Variants in MARK1 observed in about 807,000 individuals in gnomAD.
MARK1 encodes microtubule affinity regulating kinase 1, also known as serine/threonine-protein kinase MARK1.
In MARK1, 40 loss-of-function variants were observed where a neutral mutation model predicts 96.3. The ratio of observed to expected loss-of-function variants is 0.42; its 90% CI spans 0.32 to 0.54. The LOEUF (loss-of-function observed/expected upper bound fraction) is 0.54. MARK1 is among the 20% of genes least tolerant of loss of function. MARK1 has a pLI of 0.16. For missense variants in MARK1, 719 were observed against 984.6 expected, an observed-to-expected ratio of 0.73 and a Z score of 3.61; for synonymous variants, 317 against 341.2, an observed-to-expected ratio of 0.93 and a Z score of 0.78.
intron 9 of MARK1, among the ~76,000 whole-genome samples, chr1:220,628,485 C>T (rs886215757): frequency 2.0e-5 from 3 of 152,194 alleles, no homozygotes; most frequent in Non-Finnish European, 4.4e-5. Context: ...CTTATTTAGG[C>T]GTCACCTTAT....
At chr1:220,661,718 C>A in intron 17 of MARK1, 94 bp from the exon 18 acceptor site, 2 of 923,732 alleles carry the variant, frequency 2.2e-6, no homozygotes, top group Non-Finnish European at 3.2e-6. Context: ...TTATTAGGCA[C>A]TGAACTATGA....
intron 13 of MARK1, among the ~76,000 whole-genome samples, chr1:220,641,164 C>G (rs1174304351): frequency 2.6e-5 from 4 of 152,164 alleles, no homozygotes; most frequent in Non-Finnish European, 5.9e-5. Flanking sequence ...TATTATCTAT[C>G]ACATGTGTGA....
At chr1:220,630,115 CTT>C (rs1667589807) in intron 9 of MARK1, among the ~76,000 whole-genome samples, 1 of 152,086 alleles carries the variant, frequency 6.6e-6, no homozygotes, top group African/African-American at 2.4e-5. Context: ...ACACTTGTTT[CTT>C]GTTTTTTTGA....
intron 3 of MARK1, among the ~76,000 whole-genome samples, chr1:220,584,872 C>A (rs1270053663): frequency 1.3e-5 from 2 of 152,208 alleles, no homozygotes; most frequent in Non-Finnish European, 2.9e-5. Flanking sequence ...CAGCTACTCT[C>A]ACATATACAT....
chr1:220,551,862 T>G (rs1661887721), intron 1 of MARK1, among the ~76,000 whole-genome samples: 1 of 152,192 alleles, frequency 6.6e-6, no homozygotes, highest in African/African-American at 2.4e-5. Context: ...TTTCCTTTGC[T>G]CTCGGCAAAC....
chr1:220,627,056 A>G (rs1667385649), intron 9 of MARK1: 2 of 541,624 alleles, frequency 3.7e-6, no homozygotes, highest in East Asian at 5.0e-5. Flanking sequence ...TTCCAGTATG[A>G]CTAACCAGAA....
At chr1:220,650,513 T>C in intron 13 of MARK1, 107 bp from the exon 14 acceptor site, 1 of 671,164 alleles carries the variant, frequency 1.5e-6, no homozygotes, top group Non-Finnish European at 2.6e-6. Flanking sequence ...AAGATTCTGA[T>C]CAATTAAAAT....
rs1361408730 is a variant in MARK1 at position 220,662,311 on chromosome 1, T to A, written c.*145T>A. 1.6e-6 allele frequency: 1 copy of A among 611,582 alleles called. No individual in the cohort carries two copies. Among genetic ancestry groups the A allele is most frequent in the African/African-American group, 1.8e-5 (1 of 54,188 alleles). The allele number at this position is 611,582 out of a possible 1,614,324, so 37.9% of individuals were successfully genotyped here. On this transcript the variant is annotated 3_prime_UTR_variant, in exon 18 of 18. Coordinates refer to ENST00000366917, the MANE Select transcript of MARK1 (RefSeq NM_018650.5). ...AATGCAATAAGGTTATACATAGTTA[T>A]GAACTGTAAAATTAAAGTCAGTATG...
At chr1:220,650,563 T>G in intron 13 of MARK1, 57 bp from the exon 14 acceptor site, 2 of 1,130,886 alleles carry the variant, frequency 1.8e-6, no homozygotes, top group African/African-American at 3.1e-5. Flanking sequence ...ATACATTTCT[T>G]TGGCTTTCCA....
chr1:220,533,299 G>A (rs1438068546), intron 1 of MARK1, among the ~76,000 whole-genome samples: 3 of 151,912 alleles, frequency 2.0e-5, no homozygotes, highest in African/African-American at 7.3e-5. Flanking sequence ...GGTGTGCAGG[G>A]CAATACATTG....
chr1:220,528,896 G>A (rs1174647869), intron 1 of MARK1, 23 bp downstream of exon 1: 4 of 1,550,536 alleles, frequency 2.6e-6, no homozygotes, highest in Non-Finnish European at 3.5e-6. Flanking sequence ...AGCCTCCCTC[G>A]GGAGCAGTGG....
rs758661841 is a variant in MARK1, at chr1:220,661,915, G to A, written c.2137G>A (p.Asp713Asn). The A allele has an allele frequency of 1.4e-5, 22 of 1,614,146 alleles. No homozygotes were observed. In the Middle Eastern group the frequency reaches 9.9e-4, roughly 73 times the overall value. The change falls in exon 18 of 18, where the codon GAC (aspartate) becomes AAC (asparagine). Residue 713 changes from aspartate to asparagine, a missense_variant. Asp to Asn is a conservative substitution (Grantham distance 23). Coordinates refer to ENST00000366917, the MANE Select transcript of MARK1 (RefSeq NM_018650.5). Reference protein sequence around the residue: ...TWSMKTTSSMDPNDMMREIRK... With the variant: ...TWSMKTTSSMNPNDMMREIRK... ...GAGTATGAAGACCACTAGTTCAATG[G>A]ACCCTAATGACATGATGAGAGAAAT...
chr1:220,556,501 A>AC (rs1553316279), intron 1 of MARK1, among the ~76,000 whole-genome samples: 8 of 148,778 alleles, frequency 5.4e-5, no homozygotes, highest in Non-Finnish European at 4.5e-5. Context: ...AAAAAAAAAA[A>AC]AAAAACAAAT....
At chr1:220,588,772 A>G (rs1664809352) in intron 3 of MARK1, among the ~76,000 whole-genome samples, 1 of 152,196 alleles carries the variant, frequency 6.6e-6, no homozygotes, top group Non-Finnish European at 1.5e-5. Flanking sequence ...CTTATGAGAT[A>G]GTCTAGACAA....
intron 6 of MARK1, among the ~76,000 whole-genome samples, chr1:220,615,695 G>A (rs1436412638): frequency 6.6e-6 from 1 of 152,070 alleles, no homozygotes; most frequent in Non-Finnish European, 1.5e-5. Flanking sequence ...AATCTTCACA[G>A]CCTCTGACAA....
intron 1 of MARK1, among the ~76,000 whole-genome samples, chr1:220,561,443 AGT>A (rs1173123047): frequency 6.6e-6 from 1 of 152,098 alleles, no homozygotes; most frequent in Non-Finnish European, 1.5e-5. Flanking sequence ...TTCTTCTTCC[AGT>A]GTGACCCAAG....
At chr1:220,595,627 G>A (rs1289436165) in intron 3 of MARK1, among the ~76,000 whole-genome samples, 3 of 152,192 alleles carry the variant, frequency 2.0e-5, no homozygotes, top group African/African-American at 7.2e-5. Flanking sequence ...GAGTCTGGTA[G>A]CCAGTGTTCA....
At chr1:220,598,580 G>C (rs1665532777) in intron 4 of MARK1, among the ~76,000 whole-genome samples, 1 of 151,682 alleles carries the variant, frequency 6.6e-6, no homozygotes, top group Admixed American at 6.6e-5. Flanking sequence ...GGAGGCTACA[G>C]ATTGCTGTTT....
intron 1 of MARK1, among the ~76,000 whole-genome samples, chr1:220,564,405 A>G (rs1180084948): frequency 1.3e-5 from 2 of 152,186 alleles, no homozygotes; most frequent in African/African-American, 4.8e-5. Flanking sequence ...TTTGTTTGGT[A>G]TGAGACAAAT....
Sources: gnomAD v4.1 joint callset for allele counts (sites outside exome capture counted in the v4.1 genomes callset) on GRCh38, gnomAD v4.1.1 for gene constraint, MANE v1.5 for transcripts, NCBI Gene and HGNC (gene_info 2026-07-23, HGNC 2026-07-21) for gene names.